The following ADAMTSL1 variants were observed in gnomAD, a reference collection of about 807,000 sequenced individuals.
The protein encoded by ADAMTSL1 is ADAMTS-like protein 1.
In ADAMTSL1, 126 loss-of-function variants were observed where a neutral mutation model predicts 201.8. That is an observed-to-expected ratio of 0.62 (90% CI 0.54 to 0.72). The LOEUF is 0.72. ADAMTSL1 is among the 30% of genes least tolerant of loss of function. ADAMTSL1 has a pLI of 0.00. For missense variants in ADAMTSL1, 2,679 were observed against 2,277.8 expected (o/e 1.18, Z -3.59); for synonymous variants, 1,121 against 903.4 (o/e 1.24, Z -4.32).
chr9:18,254,488 A>G (rs921702006), intron 2 of ADAMTSL1, among the ~76,000 whole-genome samples: 4 of 146,438 alleles, frequency 2.7e-5, no homozygotes, highest in Non-Finnish European at 6.0e-5. Context: ...TCAGCCTCCC[A>G]CGTAGCTGGG....
chr9:18,598,827 C>G (rs893470582), intron 4 of ADAMTSL1, among the ~76,000 whole-genome samples: 1 of 151,886 alleles, frequency 6.6e-6, no homozygotes, highest in South Asian at 2.1e-4. Flanking sequence ...TCTTTGCCAT[C>G]AGCGTTACAA....
intron 2 of ADAMTSL1, among the ~76,000 whole-genome samples, chr9:18,186,325 A>G (rs1013763849): frequency 2.0e-5 from 3 of 152,206 alleles, no homozygotes; most frequent in Admixed American, 6.5e-5. Flanking sequence ...GCATGTTTCT[A>G]TAACCTTCCT....
chr9:18,481,441 T>C (rs1304179735), intron 1 of ADAMTSL1, among the ~76,000 whole-genome samples: 1 of 151,748 alleles, frequency 6.6e-6, no homozygotes, highest in East Asian at 1.9e-4. Flanking sequence ...GCTACGGAGA[T>C]TAAGTCACAA....
intron 2 of ADAMTSL1, among the ~76,000 whole-genome samples, chr9:18,239,460 T>C (rs1830975089): frequency 6.6e-6 from 1 of 152,162 alleles, no homozygotes; most frequent in South Asian, 2.1e-4. Flanking sequence ...ACTATCTGGC[T>C]GGGCACCATG....
intron 2 of ADAMTSL1, among the ~76,000 whole-genome samples, chr9:18,422,713 T>C (rs577417791): frequency 6.6e-6 from 1 of 152,324 alleles, no homozygotes; most frequent in East Asian, 1.9e-4. Flanking sequence ...TGGGAATTCA[T>C]CAAAGGGCGT....
At chr9:18,790,661 C>A (rs772067538) in intron 19 of ADAMTSL1, among the ~76,000 whole-genome samples, 1 of 152,246 alleles carries the variant, frequency 6.6e-6, no homozygotes, top group South Asian at 2.1e-4. Flanking sequence ...AAAACAATTT[C>A]TTGCACCCTC....
At chr9:18,417,782 T>G (rs1818750829) in intron 2 of ADAMTSL1, among the ~76,000 whole-genome samples, 1 of 152,160 alleles carries the variant, frequency 6.6e-6, no homozygotes, top group Non-Finnish European at 1.5e-5. Flanking sequence ...TCACCGCAAT[T>G]TTTACCAAAC....
intron 2 of ADAMTSL1, among the ~76,000 whole-genome samples, chr9:18,203,777 G>A (rs183135675): frequency 7.9e-5 from 12 of 152,234 alleles, no homozygotes. Flanking sequence ...CACAGGATTA[G>A]CTGTGGTTAG....
chr9:18,533,199 T>C lies in ADAMTSL1; in HGVS notation c.192-48T>C, dbSNP rs1264841787. 4 of 1,520,190 alleles carry C rather than the reference T, an allele frequency of 2.6e-6. No homozygotes were observed. In the South Asian group the frequency reaches 4.7e-5, roughly 18 times the overall value. The allele number at this position is 1,520,190 out of a possible 1,614,324, so 94.2% of individuals were successfully genotyped here. A position where few individuals can be genotyped will look rare whatever the true frequency, so the allele number is the denominator to read the frequency against. ...TTTTATAAGAAAATATTTCTGATTT[T>C]GAGCTTTTCATAAGTAGTAATATTT... On this transcript the variant is annotated intron_variant, in intron 2 of 28. Coordinates refer to ENST00000380548, the MANE Select transcript of ADAMTSL1 (RefSeq NM_001040272.6).
chr9:17,913,711 C>CA (rs2131273087), intron 1 of ADAMTSL1, among the ~76,000 whole-genome samples: 1 of 152,224 alleles, frequency 6.6e-6, no homozygotes, highest in Non-Finnish European at 1.5e-5. Context: ...AAAAACCCTT[C>CA]AAAAAACTGA....
At chr9:17,960,862 T>C (rs1817722219) in intron 1 of ADAMTSL1, among the ~76,000 whole-genome samples, 2 of 152,204 alleles carry the variant, frequency 1.3e-5, no homozygotes, top group South Asian at 2.1e-4. Flanking sequence ...AAATGCGCAG[T>C]GAACAGTAAC....
At chr9:18,399,318 T>TATATATAA (rs1554672313) in intron 2 of ADAMTSL1, among the ~76,000 whole-genome samples, 2 of 100,768 alleles carry the variant, frequency 2.0e-5, no homozygotes, top group South Asian at 3.8e-4. Context: ...TATATATATA[T>TATATATAA]ATATATATAT....
intron 2 of ADAMTSL1, among the ~76,000 whole-genome samples, chr9:18,400,302 T>C (rs757572914): frequency 6.6e-6 from 1 of 152,212 alleles, no homozygotes; most frequent in Non-Finnish European, 1.5e-5. Context: ...ATCTCTTTCT[T>C]GGCAAGCATA....
At chr9:18,203,736 T>C (rs572614489) in intron 2 of ADAMTSL1, among the ~76,000 whole-genome samples, 95 of 151,976 alleles carry the variant, frequency 6.3e-4, no homozygotes, top group Non-Finnish European at 5.0e-4. Flanking sequence ...AAGGTAAGAC[T>C]GGAGGGAGTG....
At position 18,293,030 on chromosome 9, in the gene ADAMTSL1, C is replaced by A. The variant is rs1370369177; in HGVS notation, c.207+129049C>A. Among the ~76,000 whole-genome samples the A allele has an allele frequency of 3.3e-5, 5 of 152,080 alleles. No homozygotes were observed. In the East Asian group the frequency reaches 7.7e-4, roughly 23 times the overall value. On this transcript the variant is annotated intron_variant, in intron 2 of 29. Transcript: ENST00000680146. ...GGAGGTATCAAGATTAGAGTAGAAC[C>A]AGCTGGAAAAAGAAGAGGAGGTATA...
chr9:18,801,935 C>A (rs1822830862), intron 20 of ADAMTSL1, among the ~76,000 whole-genome samples: 1 of 152,062 alleles, frequency 6.6e-6, no homozygotes, highest in African/African-American at 2.4e-5. Context: ...AATTAACATA[C>A]CATAAAACTC....
chr9:18,144,003 A>G (rs1450188571), intron 1 of ADAMTSL1, among the ~76,000 whole-genome samples: 1 of 152,168 alleles, frequency 6.6e-6, no homozygotes, highest in African/African-American at 2.4e-5. Flanking sequence ...ACGTTGCCTC[A>G]GGAAAGATAG....
At chr9:18,681,702 G>GT (rs1554728684) in intron 11 of ADAMTSL1, 110 bp from the exon 12 acceptor site, 3 of 507,860 alleles carry the variant, frequency 5.9e-6, no homozygotes, top group African/African-American at 5.9e-5. Context: ...TCGTGTGGGG[G>GT]GGGGGGGCGG....
intron 16 of ADAMTSL1, among the ~76,000 whole-genome samples, chr9:18,760,212 T>G (rs1016414692): frequency 1.3e-5 from 2 of 152,292 alleles, no homozygotes; most frequent in South Asian, 2.1e-4. Flanking sequence ...TCCTTCACGC[T>G]TTGTCAACAT....
Sources: gnomAD v4.1 joint callset for allele counts (sites outside exome capture counted in the v4.1 genomes callset) on GRCh38, gnomAD v4.1.1 for gene constraint, MANE v1.5 for transcripts, NCBI Gene and HGNC (gene_info 2026-07-23, HGNC 2026-07-21) for gene names.